Variants in TMEM272 observed in about 807,000 individuals in gnomAD.
TMEM272 encodes transmembrane protein 272, also known as long intergenic non-protein coding RNA 282.
A neutral mutation model predicts 3.7 loss-of-function variants in TMEM272; 8 were observed. That is an observed-to-expected ratio of 2.17 (90% CI 1.27 to 3.91). The LOEUF is 3.91. Among genes scored for constraint, TMEM272 ranks in the 30% most tolerant of loss-of-function variants. The pLI is 0.00. For synonymous variants in TMEM272, 63 were observed against 39.8 expected, an observed-to-expected ratio of 1.58 and a Z score of -2.20; for missense variants, 166 against 91.5, an observed-to-expected ratio of 1.81 and a Z score of -3.32.
intron 2 of TMEM272, among the ~76,000 whole-genome samples, chr13:51,836,444 T>C (rs1168166945): frequency 2.0e-5 from 3 of 152,230 alleles, no homozygotes; most frequent in Admixed American, 6.5e-5. Context: ...TTCTAGGATG[T>C]TGACATTTTT....
the TMEM272 span, among the ~76,000 whole-genome samples, chr13:51,922,342 G>A: frequency 1.3e-5 from 2 of 152,192 alleles, no homozygotes; most frequent in Admixed American, 6.5e-5. Flanking sequence ...GGGTGGGCGT[G>A]GCCCAGGCTT....
At chr13:51,849,375 T>C (rs1434194216), upstream of TMEM272, among the ~76,000 whole-genome samples, 1 of 152,222 alleles carries the variant, frequency 6.6e-6, no homozygotes, top group Admixed American at 6.5e-5. Flanking sequence ...TTAAGGGATG[T>C]GGCATTTCAG....
chr13:51,854,399 T>G, the TMEM272 span, among the ~76,000 whole-genome samples: 1 of 152,246 alleles, frequency 6.6e-6, no homozygotes, highest in Non-Finnish European at 1.5e-5. Flanking sequence ...GACTGGGTAC[T>G]TGAAACCTTT....
At chr13:51,915,680 G>T in the TMEM272 span, among the ~76,000 whole-genome samples, 1 of 152,176 alleles carries the variant, frequency 6.6e-6, no homozygotes, top group Non-Finnish European at 1.5e-5. Context: ...TTCCTATACA[G>T]GGAGCACTTG....
At chr13:51,856,599 A>C in the TMEM272 span, among the ~76,000 whole-genome samples, 1 of 152,204 alleles carries the variant, frequency 6.6e-6, no homozygotes, top group Non-Finnish European at 1.5e-5. Flanking sequence ...GGAGTCAACT[A>C]TGTCAGATTT....
chr13:51,817,796 T>C (rs1296948434), intron 4 of TMEM272, among the ~76,000 whole-genome samples: 7 of 152,152 alleles, frequency 4.6e-5, no homozygotes, highest in African/African-American at 1.4e-4. Flanking sequence ...AGTGATACTC[T>C]TGGGGGACAG....
the TMEM272 span, among the ~76,000 whole-genome samples, chr13:51,923,581 C>T: frequency 6.6e-6 from 1 of 151,790 alleles, no homozygotes; most frequent in African/African-American, 2.4e-5. Context: ...GACTTGAGAG[C>T]CACTGGTGAG....
At chr13:51,820,733 G>C (rs1236748613) in intron 4 of TMEM272, among the ~76,000 whole-genome samples, 1 of 152,210 alleles carries the variant, frequency 6.6e-6, no homozygotes, top group Admixed American at 6.5e-5. Context: ...CAAACCGTTA[G>C]AGCCTTCCCT....
intron 2 of TMEM272, among the ~76,000 whole-genome samples, chr13:51,832,506 T>C (rs1379511539): frequency 6.6e-6 from 1 of 152,200 alleles, no homozygotes; most frequent in Non-Finnish European, 1.5e-5. Flanking sequence ...AGAAGGCAAC[T>C]GGCAAAGAGT....
chr13:51,820,892 CACCAG>C (rs1956072746), intron 4 of TMEM272, among the ~76,000 whole-genome samples: 1 of 152,176 alleles, frequency 6.6e-6, no homozygotes, highest in Non-Finnish European at 1.5e-5. Context: ...GGACACTGCC[CACCAG>C]ATTGCTGTTA....
chr13:51,814,884 T>C lies in TMEM272; in HGVS notation c.*1867A>G, dbSNP rs1956003020. The C allele has an allele frequency of 6.5e-6, 1 of 152,672 alleles. No homozygotes were observed. The highest frequency in any genetic ancestry group is 1.5e-5 in the Non-Finnish European group (1 of 68,124). 9.5% of individuals were successfully genotyped at this position (152,672 alleles called of 1,614,324 possible). The stretch of plus-strand genomic sequence containing the variant: ...CTAACAGAAATCTTCATGCCCATGG[T>C]TGTTCACAGCTCTTTCCGCCTTTGC... On this transcript the variant is annotated 3_prime_UTR_variant, in exon 5 of 5. Coordinates refer to ENST00000629372, the MANE Select transcript of TMEM272 (RefSeq NM_001351003.2).
chr13:51,848,075 A>G (rs7337432), upstream of TMEM272, among the ~76,000 whole-genome samples: 106,604 of 152,020 alleles, frequency 0.7, 37,799 homozygotes, highest in Admixed American at 0.78. Flanking sequence ...CTATCAGTTA[A>G]GAAAAACGGG....
In TMEM272 at chr13:51,841,146, G is replaced by A. The variant is rs560489678; in HGVS notation, c.-23-2593C>T. Among the ~76,000 whole-genome samples the A allele has an allele frequency of 3.3e-5, 5 of 152,304 alleles. No homozygotes were observed. In the South Asian group the frequency reaches 1.0e-3, roughly 32 times the overall value. The stretch of plus-strand genomic sequence containing the variant: ...AGTGATAAGCCCAGTTATCTAAAGG[G>A]GCCATGGCCCATCACGGCTCCTAAA... On this transcript the variant is annotated intron_variant, in intron 1 of 4. Coordinates refer to ENST00000629372, the MANE Select transcript of TMEM272 (RefSeq NM_001351003.2).
rs1324728922 is a variant in TMEM272 at position 51,817,044 on chromosome 13, C to T, written c.271G>A (p.Asp91Asn). 8.5e-6 allele frequency: 6 copies of T among 702,850 alleles called. No homozygotes were observed. The East Asian group carries it at 1.1e-4, about 13-fold the overall frequency. The allele number at this position is 702,850 out of a possible 1,614,324, so 43.5% of individuals were successfully genotyped here. A position where few individuals can be genotyped will look rare whatever the true frequency, so the allele number is the denominator to read the frequency against. The change falls in exon 5 of 5, where the codon GAT becomes AAT. Residue 91 changes from aspartate to asparagine, a missense_variant. By Grantham distance (23) the Asp-to-Asn change is conservative (BLOSUM62 1). Transcript: ENST00000629372. Reference sequence around the variant, plus strand: ...CTCCAGGGGTATTCGTCATCGTCATCGTCATCAATCACCACGGCCTTGGAC... The same window carrying T: ...CTCCAGGGGTATTCGTCATCGTCATTGTCATCAATCACCACGGCCTTGGAC... ...LLSKAVVIDD[D>N]DDDEYPWRQN...
the TMEM272 span, among the ~76,000 whole-genome samples, chr13:51,903,043 TG>T: frequency 1.3e-5 from 2 of 150,946 alleles, no homozygotes; most frequent in Non-Finnish European, 3.0e-5. Flanking sequence ...TAGCATCCAC[TG>T]GGGGTGTTGA....
chr13:51,897,912 G>A, the TMEM272 span, among the ~76,000 whole-genome samples: 10 of 101,338 alleles, frequency 9.9e-5, no homozygotes, highest in Admixed American at 1.2e-3. Context: ...GGGTGACAGG[G>A]TGAGACTCCA....
chr13:51,857,814 T>C, the TMEM272 span, among the ~76,000 whole-genome samples: 1 of 151,954 alleles, frequency 6.6e-6, no homozygotes, highest in African/African-American at 2.4e-5. Flanking sequence ...ACCAAATAAA[T>C]GACAAATTGT....
chr13:51,831,216 G>A (rs548647939), intron 2 of TMEM272, among the ~76,000 whole-genome samples: 7 of 152,300 alleles, frequency 4.6e-5, no homozygotes, highest in South Asian at 4.1e-4. Context: ...GAGCCCAGAA[G>A]TTTGAAACCC....
At chr13:51,859,894 A>ATT in the TMEM272 span, among the ~76,000 whole-genome samples, 3,004 of 148,648 alleles carry the variant, frequency 0.02, 63 homozygotes, top group Admixed American at 0.073. Flanking sequence ...CTGTTATTCT[A>ATT]TTTTTTTTTT....
Sources: allele counts gnomAD v4.1 joint callset (sites outside exome capture counted in the v4.1 genomes callset), GRCh38; gene constraint gnomAD v4.1.1; transcripts MANE v1.5; gene names NCBI Gene and HGNC (gene_info 2026-07-23, HGNC 2026-07-21).